RBFOX1: variants seen among roughly 807,000 people sequenced by gnomAD.
RBFOX1 encodes RNA binding fox-1 homolog 1.
Under a neutral mutation model 57.7 loss-of-function variants are expected in RBFOX1, and 8 were observed. That is an observed-to-expected ratio of 0.14 (90% CI 0.08 to 0.25). RBFOX1 has a LOEUF of 0.25. Among genes scored for constraint, RBFOX1 ranks in the 10% least tolerant of loss-of-function variants. The pLI is 1.00. For synonymous variants in RBFOX1, 326 were observed against 222.4 expected, an observed-to-expected ratio of 1.47 and a Z score of -4.15; for missense variants, 611 against 548.5, an observed-to-expected ratio of 1.11 and a Z score of -1.14.
intron 2 of RBFOX1, among the ~76,000 whole-genome samples, chr16:5,523,667 C>T (rs1327125285): frequency 3.3e-5 from 5 of 152,180 alleles, no homozygotes; most frequent in African/African-American, 1.2e-4. Context: ...AAACCTGATA[C>T]ACTGATTTCC....
chr16:5,808,427 T>C (rs1033204305), intron 3 of RBFOX1, among the ~76,000 whole-genome samples: 15 of 152,166 alleles, frequency 9.9e-5, no homozygotes, highest in African/African-American at 3.1e-4. Context: ...CATATGAACT[T>C]TAAAGTAGTT....
At chr16:6,671,234 A>T (rs1439310962) in intron 3 of RBFOX1, among the ~76,000 whole-genome samples, 1 of 152,188 alleles carries the variant, frequency 6.6e-6, no homozygotes, top group Non-Finnish European at 1.5e-5. Flanking sequence ...TAAATGCTTA[A>T]TCTTAAGGTA....
intron 14 of RBFOX1, among the ~76,000 whole-genome samples, chr16:7,691,426 CG>C (rs1175515240): frequency 2.3e-5 from 3 of 130,264 alleles, no homozygotes; most frequent in African/African-American, 8.2e-5. Context: ...AGAGAAAGAA[CG>C]GAAAGAAAAC....
chr16:6,165,569 C>T lies in RBFOX1; in HGVS notation c.-127+145577C>T, dbSNP rs1447256169. On this transcript the variant is annotated intron_variant, in intron 1 of 15. Transcript: ENST00000550418. Reference sequence around the variant, plus strand: ...TCATTTTGAGTTAGAATTTTCTCTGCTAAGACTAGAGATTTTTCAACCTCC... The same window carrying T: ...TCATTTTGAGTTAGAATTTTCTCTGTTAAGACTAGAGATTTTTCAACCTCC... Among the ~76,000 whole-genome samples the T allele has an allele frequency of 2.6e-5, 4 of 152,308 alleles. No homozygotes were observed. In the East Asian group the frequency reaches 7.7e-4, roughly 29 times the overall value.
chr16:5,641,618 A>G (rs1567335714), intron 3 of RBFOX1, among the ~76,000 whole-genome samples: 1 of 152,216 alleles, frequency 6.6e-6, no homozygotes, highest in Non-Finnish European at 1.5e-5. Flanking sequence ...TGGGTGTGCC[A>G]TGCAGCAGAC....
chr16:7,572,400 A>T (rs1287862983), intron 5 of RBFOX1, among the ~76,000 whole-genome samples: 2 of 152,182 alleles, frequency 1.3e-5, no homozygotes, highest in Non-Finnish European at 2.9e-5. Flanking sequence ...AGCAGTTTCA[A>T]GTGGTACAGT....
At chr16:7,208,890 G>A (rs569437071) in intron 4 of RBFOX1, among the ~76,000 whole-genome samples, 1 of 152,062 alleles carries the variant, frequency 6.6e-6, no homozygotes, top group Non-Finnish European at 1.5e-5. Context: ...TAAGGACTAA[G>A]AGAGCAAGAA....
chr16:7,695,921 C>A (rs1161121766), intron 14 of RBFOX1, among the ~76,000 whole-genome samples: 1 of 151,986 alleles, frequency 6.6e-6, no homozygotes, highest in Non-Finnish European at 1.5e-5. Context: ...ACATTGATGC[C>A]CATGGTGGAT....
chr16:7,363,575 C>G (rs1405109043), intron 4 of RBFOX1, among the ~76,000 whole-genome samples: 1 of 152,070 alleles, frequency 6.6e-6, no homozygotes, highest in Non-Finnish European at 1.5e-5. Context: ...GGTCGCCTGG[C>G]TTTTAAGGCA....
chr16:6,077,265 A>C (rs984917215), intron 1 of RBFOX1, among the ~76,000 whole-genome samples: 4 of 152,170 alleles, frequency 2.6e-5, no homozygotes, highest in African/African-American at 7.2e-5. Flanking sequence ...TGCAGTTGAC[A>C]TGGCAGCTTG....
At chr16:6,450,416 G>C (rs994616349) in intron 2 of RBFOX1, among the ~76,000 whole-genome samples, 2 of 151,886 alleles carry the variant, frequency 1.3e-5, no homozygotes. Context: ...TAATTTTATT[G>C]GTTATTTATT....
intron 4 of RBFOX1, among the ~76,000 whole-genome samples, chr16:7,298,196 C>A (rs1000147306): frequency 6.6e-6 from 1 of 150,702 alleles, no homozygotes; most frequent in Non-Finnish European, 1.5e-5. Flanking sequence ...TCCCCTATTG[C>A]TGTTTATTAT....
intron 1 of RBFOX1, among the ~76,000 whole-genome samples, chr16:6,301,504 A>T (rs902282568): frequency 6.6e-6 from 1 of 152,090 alleles, no homozygotes; most frequent in Non-Finnish European, 1.5e-5. Flanking sequence ...ACATTATGAG[A>T]TCTAGTTTCC....
chr16:6,523,275 G>T (rs2096533657), intron 2 of RBFOX1, among the ~76,000 whole-genome samples: 1 of 152,134 alleles, frequency 6.6e-6, no homozygotes, highest in African/African-American at 2.4e-5. Context: ...GGAAGAGACA[G>T]AGGGAGGGGG....
intron 1 of RBFOX1, chr16:5,260,843 C>A (rs1034323712): frequency 2.6e-5 from 4 of 152,230 alleles, no homozygotes; most frequent in Non-Finnish European, 4.4e-5. Flanking sequence ...ATTCAAAGAA[C>A]CAGATAACAT....
intron 3 of RBFOX1, among the ~76,000 whole-genome samples, chr16:7,016,198 A>G (rs917873277): frequency 2.0e-5 from 3 of 152,274 alleles, no homozygotes; most frequent in Middle Eastern, 3.4e-3. Context: ...CTTTGTTGAG[A>G]TCAGGAAATC....
At chr16:5,635,438 A>G (rs1186721620) in intron 3 of RBFOX1, among the ~76,000 whole-genome samples, 1 of 152,204 alleles carries the variant, frequency 6.6e-6, no homozygotes, top group East Asian at 1.9e-4. Flanking sequence ...GTTAAGCTGA[A>G]AGTTAAAGAG....
At chr16:6,802,600 C>G (rs1321702074) in intron 3 of RBFOX1, among the ~76,000 whole-genome samples, 2 of 152,186 alleles carry the variant, frequency 1.3e-5, no homozygotes, top group East Asian at 1.9e-4. Flanking sequence ...TCGCTTGAAC[C>G]TGGGTGGCCG....
At chr16:6,145,078 G>T (rs533867398) in intron 1 of RBFOX1, among the ~76,000 whole-genome samples, 2 of 151,744 alleles carry the variant, frequency 1.3e-5, no homozygotes, top group Admixed American at 6.6e-5. Context: ...GTGCAGGTTT[G>T]TTACACAGGT....
Sources: allele counts gnomAD v4.1 joint callset (sites outside exome capture counted in the v4.1 genomes callset), GRCh38; gene constraint gnomAD v4.1.1; transcripts MANE v1.5; gene names NCBI Gene and HGNC (gene_info 2026-07-23, HGNC 2026-07-21).